DNAH8: variants seen among roughly 807,000 people sequenced by gnomAD.
DNAH8 encodes the protein dynein axonemal heavy chain 8.
In DNAH8, 382 loss-of-function variants were observed where a neutral mutation model predicts 562.1. The observed-to-expected ratio is 0.68, with a 90% CI of 0.63 to 0.74. The LOEUF (loss-of-function observed/expected upper bound fraction) is 0.74. DNAH8 is among the 30% of genes least tolerant of loss of function. The pLI is 0.00. For synonymous variants in DNAH8, 1,881 were observed against 1,919.4 expected (o/e 0.98, Z 0.52); for missense variants, 5,203 against 5,620.4 (o/e 0.93, Z 2.37).
chr6:38,912,939 A>G (rs1442680719), intron 66 of DNAH8, among the ~76,000 whole-genome samples: 1 of 151,968 alleles, frequency 6.6e-6, no homozygotes, highest in Non-Finnish European at 1.5e-5. Context: ...CCTCCCAAGT[A>G]ACTGGGATTA....
rs373683082 is a variant in DNAH8 at position 39,008,225 on chromosome 6, C to A, written c.13215-589C>A. ...CTAGAACTTAGCTCAGTGCCTGGTA[C>A]ATGGTAAATCTTTATTGAATAAATG... On this transcript the variant is annotated intron_variant, in intron 88 of 92. Transcript: ENST00000327475. Among the ~76,000 whole-genome samples, 5 of 152,112 alleles carry A rather than the reference C, an allele frequency of 3.3e-5. No homozygotes were observed. In the East Asian group the frequency reaches 9.7e-4, roughly 29 times the overall value.
intron 35 of DNAH8, 27 bp from the exon 36 acceptor site, chr6:38,845,547 G>C: frequency 6.3e-7 from 1 of 1,579,774 alleles, no homozygotes; most frequent in Non-Finnish European, 8.7e-7. Flanking sequence ...AAAACATCAT[G>C]ACATATACTT....
chr6:38,872,454 C>A, intron 49 of DNAH8, 82 bp from the exon 50 acceptor site: 1 of 1,446,076 alleles, frequency 6.9e-7, no homozygotes. Flanking sequence ...CTTATTAAAG[C>A]CTTTAATCTT....
At chr6:39,011,398 G>A (rs924846394) in intron 89 of DNAH8, among the ~76,000 whole-genome samples, 1 of 152,186 alleles carries the variant, frequency 6.6e-6, no homozygotes, top group African/African-American at 2.4e-5. Context: ...CACTCCATGT[G>A]TCCCTTCCTT....
chr6:38,804,364 T>G (rs1281961699), intron 22 of DNAH8, among the ~76,000 whole-genome samples: 1 of 152,218 alleles, frequency 6.6e-6, no homozygotes, highest in Non-Finnish European at 1.5e-5. Context: ...ACATATTTCA[T>G]TTTAAAGTTT....
At chr6:38,857,373 T>C (rs1331530982) in intron 41 of DNAH8, 145 bp from the exon 42 acceptor site, 2 of 618,328 alleles carry the variant, frequency 3.2e-6, no homozygotes, top group East Asian at 5.5e-5. Context: ...CGGTTAAAAC[T>C]TTAACTGTTT....
chr6:38,844,800 C>G (rs1267487707), intron 35 of DNAH8, among the ~76,000 whole-genome samples: 4 of 152,154 alleles, frequency 2.6e-5, no homozygotes, highest in African/African-American at 9.7e-5. Context: ...AGAATTTCCT[C>G]TTCCTCCCAG....
chr6:38,929,407 G>T, intron 74 of DNAH8, 104 bp from the exon 75 acceptor site: 3 of 1,139,072 alleles, frequency 2.6e-6, no homozygotes, highest in South Asian at 4.2e-5. Context: ...TTCTTCTATT[G>T]CCCTTAAAAT....
chr6:38,940,206 T>A (rs1296858620), intron 79 of DNAH8, among the ~76,000 whole-genome samples: 2 of 152,152 alleles, frequency 1.3e-5, no homozygotes, highest in African/African-American at 2.4e-5. Context: ...ACTGCAGGAA[T>A]ACATTCCTAA....
rs1373394685 is a variant in DNAH8, at chr6:38,994,001, T to TTA, written c.13214+3832_13214+3833dup. Among the ~76,000 whole-genome samples, 3 of 152,304 alleles carry TTA rather than the reference T, an allele frequency of 2.0e-5. No individual in the cohort carries two copies. In the South Asian group the frequency reaches 6.2e-4, roughly 32 times the overall value. On this transcript the variant is annotated intron_variant, in intron 88 of 92. Transcript: ENST00000327475. ...TATTGTCAAATTCCCTTACATAGGG[T>TTA]TATACTGTTTTGTACTTTTACTTGC...
At chr6:38,913,145 C>T (rs879156769) in intron 66 of DNAH8, among the ~76,000 whole-genome samples, 1 of 152,186 alleles carries the variant, frequency 6.6e-6, no homozygotes, top group Admixed American at 6.5e-5. Context: ...AGGTTATTTA[C>T]TTCTGTCTGT....
At chr6:38,900,864 G>A (rs1226218347) in intron 62 of DNAH8, among the ~76,000 whole-genome samples, 3 of 152,102 alleles carry the variant, frequency 2.0e-5, no homozygotes, top group Admixed American at 1.3e-4. Flanking sequence ...TGATCAACCC[G>A]CGTCGGCCTC....
At chr6:38,763,542 A>C (rs943320465) in intron 11 of DNAH8, 29 of 212,708 alleles carry the variant, frequency 1.4e-4, no homozygotes, top group Non-Finnish European at 5.5e-5. Context: ...GGCCAGGCAT[A>C]GTGGCTCATG....
chr6:38,716,053 G>T (rs1699008), intron 1 of DNAH8, among the ~76,000 whole-genome samples: 2 of 141,904 alleles, frequency 1.4e-5, no homozygotes, highest in African/African-American at 5.5e-5. Flanking sequence ...CTGCCTCCCT[G>T]GTTCAAGCCA....
At chr6:38,991,310 C>A (rs770435510) in intron 88 of DNAH8, among the ~76,000 whole-genome samples, 3 of 152,152 alleles carry the variant, frequency 2.0e-5, no homozygotes, top group Non-Finnish European at 4.4e-5. Flanking sequence ...TGCTTCATTC[C>A]ACCCCCATGA....
At chr6:38,988,080 A>G (rs1764526487) in intron 87 of DNAH8, among the ~76,000 whole-genome samples, 1 of 152,168 alleles carries the variant, frequency 6.6e-6, no homozygotes, top group African/African-American at 2.4e-5. Flanking sequence ...AAGCAGCTCC[A>G]CTGTAAACTC....
At chr6:38,884,183 T>C (rs1317094741) in intron 56 of DNAH8, among the ~76,000 whole-genome samples, 185 bp downstream of exon 56, 1 of 152,148 alleles carries the variant, frequency 6.6e-6, no homozygotes, top group Non-Finnish European at 1.5e-5. Context: ...CCTATGTGTT[T>C]TTTTGTTTTT....
chr6:38,846,061 T>G (rs1044169107), intron 36 of DNAH8, among the ~76,000 whole-genome samples: 3 of 145,486 alleles, frequency 2.1e-5, no homozygotes, highest in African/African-American at 7.8e-5. Flanking sequence ...CCCACTGAGA[T>G]GACCTCTTCA....
At chr6:38,832,040 C>A (rs900506309) in intron 30 of DNAH8, among the ~76,000 whole-genome samples, 1 of 152,138 alleles carries the variant, frequency 6.6e-6, no homozygotes, top group Non-Finnish European at 1.5e-5. Context: ...GTGACCCAGA[C>A]CATGCCAATA....
Sources: allele counts gnomAD v4.1 joint callset (sites outside exome capture counted in the v4.1 genomes callset), GRCh38; gene constraint gnomAD v4.1.1; transcripts MANE v1.5; gene names NCBI Gene and HGNC (gene_info 2026-07-23, HGNC 2026-07-21).